SBK1: variants seen among roughly 807,000 people sequenced by gnomAD.
The protein encoded by SBK1 is serine/threonine-protein kinase SBK1.
A neutral mutation model predicts 24.4 loss-of-function variants in SBK1; 11 were observed. That is an observed-to-expected ratio of 0.45 (90% CI 0.28 to 0.75). SBK1 has a LOEUF of 0.75. Ranked by LOEUF, SBK1 falls within the 30% of genes least tolerant of loss-of-function variation. The pLI is 0.12. For missense variants in SBK1, 467 were observed against 620.5 expected, an observed-to-expected ratio of 0.75 and a Z score of 2.63; for synonymous variants, 308 against 284.4, an observed-to-expected ratio of 1.08 and a Z score of -0.83.
intron 1 of SBK1, among the ~76,000 whole-genome samples, chr16:28,305,502 G>A (rs556967959): frequency 2.7e-5 from 4 of 150,222 alleles, no homozygotes; most frequent in Admixed American, 6.6e-5. Context: ...GTGAGCCACC[G>A]CACCTGGCCC....
chr16:28,281,032 T>C (rs1032416081), intron 1 of SBK1, among the ~76,000 whole-genome samples: 2 of 152,076 alleles, frequency 1.3e-5, no homozygotes, highest in African/African-American at 4.8e-5. Flanking sequence ...TCAGTGGCCT[T>C]AGACCCAGTG....
chr16:28,302,573 A>C (rs1240719524), intron 1 of SBK1, among the ~76,000 whole-genome samples: 1 of 152,126 alleles, frequency 6.6e-6, no homozygotes, highest in Non-Finnish European at 1.5e-5. Context: ...GGGTGCAGGC[A>C]GGTGGGCGGG....
rs761020295 is a variant in SBK1 at position 28,263,320 on chromosome 16, G to A, written c.257+3818G>A. Among the ~76,000 whole-genome samples, 14 of 152,170 alleles carry A rather than the reference G, an allele frequency of 9.2e-5. 1 individual carries two copies. The highest frequency in any genetic ancestry group is 1.6e-4 in the Non-Finnish European group (11 of 68,036). On this transcript the variant is annotated intron_variant, in intron 1 of 3. Coordinates refer to the SBK1 transcript ENST00000671413. Reference sequence around the variant, plus strand: ...ACACAAGTGAACAAATAAACAAATCGTCAAGGTTCAAAGCCCATTGTGAAG... The same window carrying A: ...ACACAAGTGAACAAATAAACAAATCATCAAGGTTCAAAGCCCATTGTGAAG...
At position 28,320,090 on chromosome 16, in the gene SBK1, G is replaced by T. The variant is rs775483751; in HGVS notation, c.444G>T (p.Glu148Asp). The T allele has an allele frequency of 6.6e-7, 1 of 1,520,110 alleles. No individual in the cohort carries two copies. Among genetic ancestry groups the T allele is most frequent in the South Asian group, 1.2e-5 (1 of 80,504 alleles). The allele number at this position is 1,520,110 out of a possible 1,614,324, so 94.2% of individuals were successfully genotyped here. A position where few individuals can be genotyped will look rare whatever the true frequency, so the allele number is the denominator to read the frequency against. ...GCCGCCCGCAGGTGGGGCTCCCTGA[G>T]GACACGGTGAAGCGCTGTGTGCAGC... ...DIIPPQVGLPEDTVKRCVQQL... is the reference protein window; with the variant it reads ...DIIPPQVGLPDDTVKRCVQQL... The change falls in exon 4 of 4, where the codon GAG becomes GAT. Residue 148 changes from glutamate to aspartate, a missense_variant. By Grantham distance (45) the Glu-to-Asp change is conservative (BLOSUM62 2). Around this residue, in one of 4 missense-constraint regions of SBK1, gnomAD observed 92 missense variants for 193.8 expected, o/e 0.47. Transcript: ENST00000341901. The surrounding 1 kb of genome is among the most constrained non-coding windows in gnomAD (Gnocchi z 8.5).
chr16:28,280,143 A>ATGTGTGTGTGTGTGTG (rs1187072862), intron 1 of SBK1, among the ~76,000 whole-genome samples: 4 of 57,230 alleles, frequency 7.0e-5, no homozygotes, highest in Non-Finnish European at 1.3e-4. Context: ...ATATATATAT[A>ATGTGTGTGTGTGTGTG]TATATATGTG....
chr16:28,286,949 G>A (rs2044568708), intron 1 of SBK1: 1 of 151,722 alleles, frequency 6.6e-6, no homozygotes, highest in Non-Finnish European at 1.5e-5. Context: ...TACAAAAATT[G>A]CTGGGCGTGG....
intron 1 of SBK1, among the ~76,000 whole-genome samples, chr16:28,261,560 T>A (rs905363716): frequency 3.3e-5 from 5 of 151,658 alleles, no homozygotes; most frequent in African/African-American, 1.2e-4. Flanking sequence ...AGCCCAGAAG[T>A]TCGAGGCTGC....
intron 1 of SBK1, among the ~76,000 whole-genome samples, chr16:28,302,636 T>C (rs1337245142): frequency 6.6e-6 from 1 of 152,190 alleles, no homozygotes; most frequent in East Asian, 1.9e-4. Context: ...GTCTCTTGGT[T>C]CCTTTTACTC....
rs1422409743 is a variant in SBK1 at position 28,322,904 on chromosome 16, C to G, written c.*1983C>G. 9.2e-6 allele frequency: 1 copy of G among 108,674 alleles called. No homozygotes were observed. Among genetic ancestry groups the G allele is most frequent in the African/African-American group, 3.3e-5 (1 of 30,564 alleles). The allele number at this position is 108,674 out of a possible 1,614,324, so 6.7% of individuals were successfully genotyped here. On this transcript the variant is annotated 3_prime_UTR_variant, in exon 4 of 4. Transcript: ENST00000341901. ...GTAGACGTCCCTTGCCGTGCTCGCTCTCTCTCTCGCGCGCGCTCTCTCTCT... is the reference window on the plus strand; with the variant it reads ...GTAGACGTCCCTTGCCGTGCTCGCTGTCTCTCTCGCGCGCGCTCTCTCTCT...
chr16:28,300,280 G>A (rs1428313291), intron 1 of SBK1, among the ~76,000 whole-genome samples: 1 of 151,672 alleles, frequency 6.6e-6, no homozygotes, highest in Admixed American at 6.6e-5. Context: ...TGTGACACAG[G>A]ACACATCACT....
chr16:28,261,428 TACACACACACACACACACACACACACAC>T (rs35296302), intron 1 of SBK1, among the ~76,000 whole-genome samples: 4 of 124,674 alleles, frequency 3.2e-5, no homozygotes, highest in African/African-American at 6.4e-5. Flanking sequence ...GACTCCCGTC[TACACACACACACACACACACACACACAC>T]ACACACACAC....
chr16:28,280,951 C>T (rs932581052), intron 1 of SBK1, among the ~76,000 whole-genome samples: 1 of 152,112 alleles, frequency 6.6e-6, no homozygotes. Flanking sequence ...AGGCATGAGC[C>T]GCCCACGCCT....
At chr16:28,290,559 C>T (rs1436976501), upstream of SBK1, 1 of 152,214 alleles carries the variant, frequency 6.6e-6, no homozygotes, top group Non-Finnish European at 1.5e-5. Context: ...CACTTGAACC[C>T]CGCAGGCAGA....
chr16:28,259,386 G>A lies in SBK1; in HGVS notation c.141G>A (p.Leu47=). Reference sequence around the variant, plus strand: ...CCCCTGGCCACCCCTGCCCTGTCCTGGAGCTGCCTCCGGCCTGGCCCATGG... The same window carrying A: ...CCCCTGGCCACCCCTGCCCTGTCCTAGAGCTGCCTCCGGCCTGGCCCATGG... Residue 47 remains leucine (L), a synonymous_variant, in exon 1 of 4, where the codon CTG becomes CTA. Coordinates refer to the SBK1 transcript ENST00000671413. The surrounding 1 kb of genome is among the most constrained non-coding windows in gnomAD (Gnocchi z 6.0). The A allele has an allele frequency of 1.0e-6, 1 of 963,344 alleles. No homozygotes were observed. Among genetic ancestry groups the A allele is most frequent in the Non-Finnish European group, 1.2e-6 (1 of 809,770 alleles). 59.7% of individuals were successfully genotyped at this position (963,344 alleles called of 1,614,324 possible).
chr16:28,265,777 C>A (rs573667545), intron 1 of SBK1, among the ~76,000 whole-genome samples: 1 of 151,702 alleles, frequency 6.6e-6, no homozygotes, highest in South Asian at 2.1e-4. Context: ...AGTTCGAGAC[C>A]AGCCTGGCCA....
chr16:28,274,835 G>C (rs1221676363), intron 1 of SBK1, among the ~76,000 whole-genome samples: 2 of 152,152 alleles, frequency 1.3e-5, no homozygotes, highest in African/African-American at 4.8e-5. Context: ...ACTGTAATGT[G>C]AGGGGGGATA....
intron 1 of SBK1, among the ~76,000 whole-genome samples, chr16:28,263,545 G>C (rs1406292278): frequency 6.6e-6 from 1 of 152,214 alleles, no homozygotes; most frequent in African/African-American, 2.4e-5. Context: ...CAGAGCAAAT[G>C]ATGGGGACAG....
chr16:28,316,535 T>G (rs2044797312), intron 1 of SBK1, among the ~76,000 whole-genome samples: 1 of 151,344 alleles, frequency 6.6e-6, no homozygotes, highest in South Asian at 2.1e-4. Context: ...GAGGCTGAGG[T>G]GGAAGGATCA....
At chr16:28,290,636 A>G (rs1202817166), upstream of SBK1, 1 of 152,146 alleles carries the variant, frequency 6.6e-6, no homozygotes, top group East Asian at 1.9e-4. Context: ...CTCTGTCAAA[A>G]AAAGAAGGAA....
Sources: gnomAD v4.1 joint callset for allele counts (sites outside exome capture counted in the v4.1 genomes callset) on GRCh38, gnomAD v4.1.1 for gene constraint, gnomAD v4.1.1 regional missense constraint, Gnocchi (gnomAD v3.1) non-coding constraint, MANE v1.5 for transcripts, NCBI Gene and HGNC (gene_info 2026-07-23, HGNC 2026-07-21) for gene names.